Variants in IGF1R observed in about 807,000 individuals in gnomAD.
The protein encoded by IGF1R is insulin like growth factor 1 receptor, also known as insulin-like growth factor 1 receptor.
IGF1R carries 44 observed loss-of-function variants against 144.6 expected under a neutral mutation model. That is an observed-to-expected ratio of 0.30 (90% CI 0.24 to 0.39). The LOEUF is 0.39. Among genes scored for constraint, IGF1R ranks in the 10% least tolerant of loss-of-function variants. The pLI is 1.00. For synonymous variants in IGF1R, 795 were observed against 722.8 expected, an observed-to-expected ratio of 1.10 and a Z score of -1.60; for missense variants, 1,355 against 1,833.7, an observed-to-expected ratio of 0.74 and a Z score of 4.77.
At chr15:98,742,297 G>A (rs2054764027) in intron 2 of IGF1R, among the ~76,000 whole-genome samples, 1 of 152,158 alleles carries the variant, frequency 6.6e-6, no homozygotes, top group South Asian at 2.1e-4. Flanking sequence ...ATCAGTTCAT[G>A]GATAAATGAT....
intron 2 of IGF1R, among the ~76,000 whole-genome samples, chr15:98,839,325 T>A (rs540979269): frequency 1.3e-5 from 2 of 152,282 alleles, no homozygotes; most frequent in African/African-American, 4.8e-5. Flanking sequence ...AGTGTGACTC[T>A]AGAGTACCTA....
At position 98,667,343 on chromosome 15, in the gene IGF1R, A is replaced by T. The variant is rs1043220481; in HGVS notation, c.94+17668A>T. Among the ~76,000 whole-genome samples, 7 of 150,654 alleles carry T rather than the reference A, an allele frequency of 4.6e-5. 1 individual carries two copies. The highest frequency in any genetic ancestry group is 8.9e-5 in the Non-Finnish European group (6 of 67,516). ...GTTTTTCATTTGTTTTGACAGCTCA[A>T]TTTTTTTTTTATTGTAAATGGACTG... On this transcript the variant is annotated intron_variant, in intron 1 of 20. Transcript: ENST00000650285.
chr15:98,773,108 C>T (rs1356455071), intron 2 of IGF1R, among the ~76,000 whole-genome samples: 1 of 152,064 alleles, frequency 6.6e-6, no homozygotes, highest in Non-Finnish European at 1.5e-5. Context: ...TTGTTTCCAG[C>T]GTGTGAACTT....
rs34443123 is a variant in IGF1R, at chr15:98,835,080, T to TACACACACACAC, written c.641-56226_641-56215dup. Among the ~76,000 whole-genome samples, 406 of 130,462 alleles carry TACACACACACAC rather than the reference T, an allele frequency of 3.1e-3. 5 individuals carry two copies. Among genetic ancestry groups the TACACACACACAC allele is most frequent in the African/African-American group, 0.012 (380 of 30,742 alleles). The allele number at this position is 130,462 out of a possible 152,430, so 85.6% of individuals were successfully genotyped here. On this transcript the variant is annotated intron_variant, in intron 2 of 20. Coordinates refer to ENST00000650285, the MANE Select transcript of IGF1R (RefSeq NM_000875.5). ...GGCCAGGGCAAGAGAACACCCCCCC[T>TACACACACACAC]ACACACACACACACACACACACACA...
intron 1 of IGF1R, among the ~76,000 whole-genome samples, chr15:98,676,299 G>A (rs964938115): frequency 6.6e-6 from 1 of 151,784 alleles, no homozygotes; most frequent in African/African-American, 2.4e-5. Flanking sequence ...CACCATGCCC[G>A]GCTAATTTTT....
chr15:98,928,348 C>T (rs1287910134), intron 13 of IGF1R, among the ~76,000 whole-genome samples: 2 of 152,202 alleles, frequency 1.3e-5, no homozygotes, highest in Non-Finnish European at 2.9e-5. Context: ...GGAGACATGG[C>T]ATGTCCCCCC....
intron 5 of IGF1R, among the ~76,000 whole-genome samples, chr15:98,904,686 G>A (rs751290109): frequency 4.8e-4 from 73 of 152,350 alleles, no homozygotes; most frequent in Middle Eastern, 3.4e-3. Context: ...CAGCCGTGAA[G>A]AGGCAATTTT....
At chr15:98,925,513 G>C (rs2015679046) in intron 13 of IGF1R, among the ~76,000 whole-genome samples, 3 of 152,230 alleles carry the variant, frequency 2.0e-5, no homozygotes, top group Admixed American at 6.5e-5. Context: ...ACATAAAATA[G>C]CAATGCAGCC....
intron 2 of IGF1R, among the ~76,000 whole-genome samples, chr15:98,815,700 CTG>C (rs1250783410): frequency 2.0e-5 from 3 of 152,204 alleles, no homozygotes; most frequent in East Asian, 1.9e-4. Flanking sequence ...TTGTGTGACT[CTG>C]TGTGTTGGAG....
intron 2 of IGF1R, among the ~76,000 whole-genome samples, chr15:98,752,842 A>G (rs951395466): frequency 2.0e-5 from 3 of 152,232 alleles, no homozygotes; most frequent in Admixed American, 6.5e-5. Context: ...ATTTCAATCA[A>G]TATCAAATAT....
intron 1 of IGF1R, among the ~76,000 whole-genome samples, chr15:98,675,445 C>T (rs375515458): frequency 1.4e-4 from 21 of 152,158 alleles, no homozygotes; most frequent in African/African-American, 4.6e-4. Context: ...TAAATATTGC[C>T]AAAATATTTT....
chr15:98,858,127 A>G (rs981903250), intron 2 of IGF1R, among the ~76,000 whole-genome samples: 2 of 152,260 alleles, frequency 1.3e-5, no homozygotes, highest in Non-Finnish European at 2.9e-5. Flanking sequence ...GGTTCTGTCA[A>G]TCAAGTGGCT....
chr15:98,781,628 T>A (rs576033315), intron 2 of IGF1R, among the ~76,000 whole-genome samples: 1 of 152,224 alleles, frequency 6.6e-6, no homozygotes, highest in African/African-American at 2.4e-5. Context: ...GTTAATAACA[T>A]TTAGCCTTTT....
chr15:98,722,492 G>C (rs1039781099), intron 2 of IGF1R, among the ~76,000 whole-genome samples: 2 of 152,188 alleles, frequency 1.3e-5, no homozygotes, highest in African/African-American at 4.8e-5. Flanking sequence ...GTAAAGATGA[G>C]GTCTGAATGG....
chr15:98,778,081 T>A (rs1266206785), intron 2 of IGF1R, among the ~76,000 whole-genome samples: 1 of 152,120 alleles, frequency 6.6e-6, no homozygotes. Flanking sequence ...GACTAATCTT[T>A]TAGGGGGTGA....
At chr15:98,698,005 G>C (rs2141243715) in intron 1 of IGF1R, among the ~76,000 whole-genome samples, 1 of 147,756 alleles carries the variant, frequency 6.8e-6, no homozygotes, top group South Asian at 2.2e-4. Context: ...GAAGTGCTGA[G>C]ATTACAGGCG....
At position 98,658,091 on chromosome 15, in the gene IGF1R, C is replaced by T. The variant is rs373849771; in HGVS notation, c.94+8416C>T. On this transcript the variant is annotated intron_variant, in intron 1 of 20. Transcript: ENST00000650285. ...CTTAGAATCAAGTAATGAAACAGGTCCTTAGTAATCCTGTGCTGTAGGGAT... is the reference window on the plus strand; with the variant it reads ...CTTAGAATCAAGTAATGAAACAGGTTCTTAGTAATCCTGTGCTGTAGGGAT... Among the ~76,000 whole-genome samples the T allele has an allele frequency of 7.9e-5, 12 of 152,284 alleles. No individual in the cohort carries two copies. In the East Asian group the frequency reaches 1.5e-3, roughly 20 times the overall value.
intron 2 of IGF1R, among the ~76,000 whole-genome samples, chr15:98,762,071 C>T (rs2055313331): frequency 6.6e-6 from 1 of 152,188 alleles, no homozygotes; most frequent in African/African-American, 2.4e-5. Context: ...TTGGATACCT[C>T]AGGGTACATT....
chr15:98,651,212 C>T (rs1181444354), intron 1 of IGF1R: 2 of 217,424 alleles, frequency 9.2e-6, no homozygotes, highest in Admixed American at 6.5e-5. Context: ...CGGGGCAATT[C>T]AGAAAGGCTG....
Sources: gnomAD v4.1 joint callset for allele counts (sites outside exome capture counted in the v4.1 genomes callset) on GRCh38, gnomAD v4.1.1 for gene constraint, MANE v1.5 for transcripts, NCBI Gene and HGNC (gene_info 2026-07-23, HGNC 2026-07-21) for gene names.